Variants in TBC1D32 observed in about 807,000 individuals in gnomAD.
TBC1D32 encodes TBC1 domain family member 32, also known as protein broad-minded.
In TBC1D32, 151 loss-of-function variants were observed where a neutral mutation model predicts 170.3. The ratio of observed to expected loss-of-function variants is 0.89; its 90% CI spans 0.78 to 1.01. The LOEUF is 1.01. TBC1D32 is among the 50% of genes least tolerant of loss of function. TBC1D32 has a pLI of 0.00. For synonymous variants in TBC1D32, 498 were observed against 488.0 expected (o/e 1.02, Z -0.27); for missense variants, 1,464 against 1,457.1 (o/e 1.00, Z -0.08).
chr6:121,112,542 G>A lies in TBC1D32; in HGVS notation c.3287C>T (p.Thr1096Ile). 1 of 1,610,386 alleles carries A rather than the reference G, an allele frequency of 6.2e-7. No homozygotes were observed. The highest frequency in any genetic ancestry group is 8.5e-7 in the Non-Finnish European group (1 of 1,177,794). The change falls in exon 29 of 32, where the codon ACT (threonine) becomes ATT (isoleucine). Residue 1096 changes from threonine (T) to isoleucine (I), a missense_variant. Transcript: ENST00000398212. The stretch of plus-strand genomic sequence containing the variant: ...CCTTGGCAACCAAAGAAAAGCAGAA[G>A]TCAGAAGCCTGGAGAATTGATGAAG... ...QFLHQFSRLL[T>I]SAFLWLPRLH...
intron 24 of TBC1D32, among the ~76,000 whole-genome samples, chr6:121,142,695 A>G (rs1286145178): frequency 1.3e-5 from 2 of 152,158 alleles, no homozygotes; most frequent in East Asian, 1.9e-4. Flanking sequence ...TTAATTTTCT[A>G]TATGGAAGTT....
intron 21 of TBC1D32, among the ~76,000 whole-genome samples, chr6:121,214,920 G>A (rs1298114313): frequency 6.6e-6 from 1 of 152,162 alleles, no homozygotes; most frequent in Non-Finnish European, 1.5e-5. Context: ...CAGCTCTCAG[G>A]AGACCAGAAG....
intron 21 of TBC1D32, among the ~76,000 whole-genome samples, chr6:121,220,356 T>C (rs1030944355): frequency 1.8e-4 from 27 of 152,150 alleles, no homozygotes; most frequent in African/African-American, 6.3e-4. Context: ...TTTGAGTGAT[T>C]TGAAGAGAAA....
rs118031951 is a variant in TBC1D32, at chr6:121,099,812, C to G, written c.3465+6211G>C. ...AAAAGAAAGAATAGCATTACTGTTT[C>G]AAAATAATGAAGTGGTTGTTATTAA... On this transcript the variant is annotated intron_variant, in intron 30 of 31. Coordinates refer to ENST00000398212, the MANE Select transcript of TBC1D32 (RefSeq NM_152730.6). Among the ~76,000 whole-genome samples, 106 of 151,914 alleles carry G rather than the reference C, an allele frequency of 7.0e-4. No individual in the cohort carries two copies. The East Asian group carries it at 0.015, about 21-fold the overall frequency.
intron 30 of TBC1D32, among the ~76,000 whole-genome samples, chr6:121,097,373 G>T (rs1178741205): frequency 6.6e-6 from 1 of 152,138 alleles, no homozygotes; most frequent in African/African-American, 2.4e-5. Context: ...CCATCAAAAA[G>T]TGGGCAAAGG....
At chr6:121,092,816 C>T (rs1776972265) in intron 30 of TBC1D32, among the ~76,000 whole-genome samples, 1 of 152,180 alleles carries the variant, frequency 6.6e-6, no homozygotes, top group Non-Finnish European at 1.5e-5. Context: ...CTTTAAAGGC[C>T]CTATTCAAAT....
intron 22 of TBC1D32, among the ~76,000 whole-genome samples, chr6:121,187,740 C>T (rs1334189784): frequency 8.9e-6 from 1 of 112,934 alleles, no homozygotes; most frequent in African/African-American, 3.3e-5. Context: ...CCCATGAAGG[C>T]TGATGCTCAG....
chr6:121,186,337 A>G (rs545152791), intron 22 of TBC1D32, among the ~76,000 whole-genome samples: 4 of 152,194 alleles, frequency 2.6e-5, no homozygotes, highest in African/African-American at 7.2e-5. Context: ...TAGTACTGCC[A>G]TATCTAGTGG....
chr6:121,085,330 T>C (rs111566725), intron 31 of TBC1D32, among the ~76,000 whole-genome samples: 5,201 of 131,880 alleles, frequency 0.039, 272 homozygotes, highest in African/African-American at 0.15. Flanking sequence ...CATATATATA[T>C]ACATACATAT....
At chr6:121,136,050 AAAAG>A (rs1036173351) in intron 24 of TBC1D32, among the ~76,000 whole-genome samples, 11 of 152,256 alleles carry the variant, frequency 7.2e-5, no homozygotes, top group African/African-American at 2.2e-4. Flanking sequence ...AACATGAATA[AAAAG>A]AAAGAATGTG....
chr6:121,196,990 G>T (rs1346673423), intron 22 of TBC1D32, among the ~76,000 whole-genome samples: 1 of 152,092 alleles, frequency 6.6e-6, no homozygotes, highest in African/African-American at 2.4e-5. Flanking sequence ...GTTCCAGAGG[G>T]AGGAACATTG....
At chr6:121,170,478 C>A in intron 22 of TBC1D32, 1 of 1,607,550 alleles carries the variant, frequency 6.2e-7, no homozygotes, top group East Asian at 2.2e-5. Flanking sequence ...TGATACTGAG[C>A]CTCTAACAGG....
intron 1 of TBC1D32, among the ~76,000 whole-genome samples, chr6:121,330,796 G>C (rs1811119996): frequency 6.6e-6 from 1 of 152,132 alleles, no homozygotes; most frequent in South Asian, 2.1e-4. Flanking sequence ...AGGTTGAAAA[G>C]CAATGCTGCT....
chr6:121,108,967 T>C (rs1317101217), intron 29 of TBC1D32, among the ~76,000 whole-genome samples: 1 of 152,148 alleles, frequency 6.6e-6, no homozygotes, highest in African/African-American at 2.4e-5. Flanking sequence ...AAAACTTTGA[T>C]TCTATAATTC....
At chr6:121,272,464 T>A (rs1583502743) in intron 15 of TBC1D32, among the ~76,000 whole-genome samples, 1 of 152,208 alleles carries the variant, frequency 6.6e-6, no homozygotes, top group East Asian at 1.9e-4. Flanking sequence ...GAATAGACAC[T>A]TATCAAAAGA....
At chr6:121,185,960 C>T (rs1789155545) in intron 22 of TBC1D32, among the ~76,000 whole-genome samples, 1 of 152,026 alleles carries the variant, frequency 6.6e-6, no homozygotes, top group Non-Finnish European at 1.5e-5. Context: ...CCACAAAATG[C>T]TCTGAACTAG....
intron 24 of TBC1D32, among the ~76,000 whole-genome samples, chr6:121,146,042 A>G (rs77610818): frequency 0.021 from 3,227 of 152,300 alleles, 51 homozygotes; most frequent in African/African-American, 0.045. Flanking sequence ...CAAGATCAAA[A>G]GTGAGGCAAT....
At chr6:121,192,989 A>G (rs540889584) in intron 22 of TBC1D32, among the ~76,000 whole-genome samples, 2 of 152,168 alleles carry the variant, frequency 1.3e-5, no homozygotes, top group South Asian at 4.1e-4. Context: ...AAGTCCTGGC[A>G]GGCCTCTAGA....
chr6:121,184,169 T>C (rs996510658), intron 22 of TBC1D32, among the ~76,000 whole-genome samples: 1 of 152,050 alleles, frequency 6.6e-6, no homozygotes, highest in East Asian at 1.9e-4. Context: ...AATGTATCTT[T>C]ACCATTTTAT....
Sources: gnomAD v4.1 joint callset for allele counts (sites outside exome capture counted in the v4.1 genomes callset) on GRCh38, gnomAD v4.1.1 for gene constraint, MANE v1.5 for transcripts, NCBI Gene and HGNC (gene_info 2026-07-23, HGNC 2026-07-21) for gene names.